Variants in FLNA observed in about 807,000 individuals in gnomAD.
FLNA encodes the protein filamin-A.
FLNA carries 7 observed loss-of-function variants against 157.6 expected under a neutral mutation model. That is an observed-to-expected ratio of 0.04 (90% CI 0.03 to 0.08). The LOEUF (loss-of-function observed/expected upper bound fraction) is 0.08, where lower values mean the gene tolerates loss of function less well. Ranked by LOEUF, FLNA falls within the 10% of genes least tolerant of loss-of-function variation. The probability of loss-of-function intolerance (pLI) is 1.00; values close to 1 mark genes in which losing one functional copy is unlikely to be tolerated. For missense variants in FLNA, 1,750 were observed against 2,398.4 expected, an observed-to-expected ratio of 0.73 and a Z score of 5.65; for synonymous variants, 1,103 against 1,060.8, an observed-to-expected ratio of 1.04 and a Z score of -0.77.
rs1172925963 is a variant in FLNA at position 154,350,175 on chromosome X, T to C, written c.7189A>G (p.Asn2397Asp). The change falls in exon 45 of 48, where the codon AAT becomes GAT. Residue 2397 changes from asparagine (N) to aspartate (D), a missense_variant. By Grantham distance (23) the Asn-to-Asp change is conservative (BLOSUM62 1). This residue lies in a region of FLNA where 970 missense variants were observed against 1,302.6 expected (regional missense o/e 0.74). Transcript: ENST00000369850. Reference protein sequence around the residue: ...KYAVRFIPRENGVYLIDVKFN... With the variant: ...KYAVRFIPREDGVYLIDVKFN... ...TTGACGTCAATCAGGTAAACGCCAT[T>C]CTCCCGAGGGATGAAGCGCACAGCA... The C allele has an allele frequency of 1.7e-6, 2 of 1,211,486 alleles. No individual in the cohort carries two copies. Among genetic ancestry groups the C allele is most frequent in the Non-Finnish European group, 2.2e-6 (2 of 895,371 alleles).
intron 41 of FLNA, 23 bp from the exon 42 acceptor site, chrX:154,352,044 C>T (rs782762460): frequency 1.7e-6 from 2 of 1,211,494 alleles, no homozygotes; most frequent in East Asian, 5.9e-5. Flanking sequence ...AGTTTGTCCT[C>T]ACTGAAGGCT....
At chrX:154,354,574 C>G in intron 32 of FLNA, 42 bp downstream of exon 32, 1 of 1,177,634 alleles carries the variant, frequency 8.5e-7, no homozygotes. Flanking sequence ...CACAGAACAC[C>G]CAGCTGGCTA....
In FLNA at chrX:154,369,701, C is replaced by T. The variant is rs782144564; in HGVS notation, c.373+1172G>A. ...AGCTGGGGTGTGGCCCGCCTCCCCA[C>T]ATCCGGTCGCCCCCCCTACCATCCA... On this transcript the variant is annotated intron_variant, in intron 2 of 47. Coordinates refer to ENST00000369850, the MANE Select transcript of FLNA (RefSeq NM_001110556.2). Among the ~76,000 whole-genome samples the T allele has an allele frequency of 5.3e-5, 6 of 112,173 alleles. No homozygotes were observed. The South Asian group carries it at 1.8e-3, about 35-fold the overall frequency.
At chrX:154,349,914 G>A in intron 45 of FLNA, 47 bp from the exon 46 acceptor site, 1 of 1,188,081 alleles carries the variant, frequency 8.4e-7, no homozygotes, top group South Asian at 1.8e-5. Flanking sequence ...CTGCCTCCCT[G>A]TCCTCGGCCA....
In FLNA at chrX:154,354,918, G is replaced by C; in HGVS notation, c.5124C>G (p.Phe1708Leu). The C allele has an allele frequency of 8.3e-7, 1 of 1,211,984 alleles. No homozygotes were observed. The highest frequency in any genetic ancestry group is 1.1e-6 in the Non-Finnish European group (1 of 895,556). The change falls in exon 31 of 48, where the codon TTC becomes TTG. Residue 1708 changes from phenylalanine (F) to leucine (L), a missense_variant. This residue lies in a region of FLNA where 970 missense variants were observed against 1,302.6 expected (regional missense o/e 0.74). Coordinates refer to ENST00000369850, the MANE Select transcript of FLNA (RefSeq NM_001110556.2). ...VDVVENEDGT[F>L]DIFYTAPQPG... ...GCTGGGGGGCCGTGTAGAAGATGTC[G>C]AAAGTGCCGTCCTCATTCTCCACCA...
rs1281469151 is a variant in FLNA at position 154,350,042 on chromosome X, C to T, written c.7322G>A (p.Gly2441Asp). ...LVSAYGAGLEGGVTGNPAEFV... is the reference protein window; with the variant it reads ...LVSAYGAGLEDGVTGNPAEFV... The stretch of plus-strand genomic sequence containing the variant: ...ACCGACAGACTTACCTGTGACACCG[C>T]CTTCCAGACCTGCTCCGTAAGCAGA... Residue 2441 changes from glycine (G) to aspartate (D), a missense_variant, in exon 45 of 48, where the codon GGC (glycine) becomes GAC (aspartate). By Grantham distance (94) the Gly-to-Asp change is moderately conservative. Around this residue, in one of 5 missense-constraint regions of FLNA, gnomAD observed 970 missense variants for 1,302.6 expected, o/e 0.74. Transcript: ENST00000369850. 2.5e-6 allele frequency: 3 copies of T among 1,210,211 alleles called. No homozygotes were observed. Among genetic ancestry groups the T allele is most frequent in the African/African-American group, 3.5e-5 (2 of 57,376 alleles).
intron 31 of FLNA, 38 bp from the exon 32 acceptor site, chrX:154,354,749 G>A (rs1226890464): frequency 3.0e-5 from 36 of 1,206,448 alleles, no homozygotes; most frequent in Non-Finnish European, 3.9e-5. Flanking sequence ...AGAGTCTGTT[G>A]TCACAGAGGG....
chrX:154,351,240 G>A (rs1035635036), intron 43 of FLNA, 199 bp from the exon 44 acceptor site: 37 of 474,979 alleles, frequency 7.8e-5, no homozygotes, highest in Admixed American at 1.2e-4. Flanking sequence ...ACACTCTGCC[G>A]TCGCACACAC....
chrX:154,349,161 C>G (rs1479048018), intron 47 of FLNA, 125 bp from the exon 48 acceptor site: 1 of 811,605 alleles, frequency 1.2e-6, no homozygotes, highest in Non-Finnish European at 1.8e-6. Flanking sequence ...GAGCTGCCAG[C>G]ACCTCCCCAA....
At position 154,349,347 on chromosome X, in the gene FLNA, G is replaced by A; in HGVS notation, c.7756+15C>T. 1 of 1,202,706 alleles carries A rather than the reference G, an allele frequency of 8.3e-7. No individual in the cohort carries two copies. The highest frequency in any genetic ancestry group is 1.1e-6 in the Non-Finnish European group (1 of 887,387). ...ATTTTGGTGGGAAGGTGGGCCGGGG[G>A]CCCAGGTTGCCCACCTGCTTTGCTG... is the stretch of plus-strand genomic sequence containing the variant. On this transcript the variant is annotated intron_variant, in intron 47 of 47. Transcript: ENST00000369850.
At chrX:154,367,807 C>G (rs2067774220) in intron 3 of FLNA, 35 bp downstream of exon 3, 1 of 1,210,637 alleles carries the variant, frequency 8.3e-7, no homozygotes, top group Non-Finnish European at 1.1e-6. Flanking sequence ...ATGGGTGACC[C>G]CAGCCCAGTC....
At chrX:154,366,874 C>A in intron 5 of FLNA, 24 bp from the exon 6 acceptor site, 1 of 1,138,433 alleles carries the variant, frequency 8.8e-7, no homozygotes, top group Non-Finnish European at 1.2e-6. Context: ...GCGAGCCAAC[C>A]ACGGGCCAGC....
At chrX:154,350,406 G>T in intron 44 of FLNA, 199 bp from the exon 45 acceptor site, 1 of 445,660 alleles carries the variant, frequency 2.2e-6, no homozygotes, top group Non-Finnish European at 3.9e-6. Flanking sequence ...CCACCGTCAG[G>T]GTGCATTGGG....
chrX:154,359,264 C>G lies in FLNA; in HGVS notation c.4285G>C (p.Gly1429Arg), dbSNP rs781830074. The part of the protein sequence containing the change: ...AGTYSLNVTY[G>R]GHQVPGSPFK... Reference sequence around the variant, plus strand: ...TCCTCACCTGGCACTTGATGGCCACCATAGGTGACGTTGAGGCTGTAGGTG... The same window carrying G: ...TCCTCACCTGGCACTTGATGGCCACGATAGGTGACGTTGAGGCTGTAGGTG... Residue 1429 changes from glycine (G) to arginine (R), a missense_variant, in exon 25 of 48, where the codon GGT (glycine) becomes CGT (arginine). By Grantham distance (125) the Gly-to-Arg change is moderately radical. Coordinates refer to ENST00000369850, the MANE Select transcript of FLNA (RefSeq NM_001110556.2). The G allele has an allele frequency of 1.5e-5, 18 of 1,211,406 alleles. No homozygotes were observed. Among genetic ancestry groups the G allele is most frequent in the Non-Finnish European group, 1.7e-5 (15 of 895,541 alleles).
chrX:154,368,227 G>T, intron 2 of FLNA, 137 bp from the exon 3 acceptor site: 1 of 902,653 alleles, frequency 1.1e-6, no homozygotes, highest in Non-Finnish European at 1.6e-6. Flanking sequence ...GCCAGTGGTA[G>T]GATGTGGATG....
rs782670288 is a variant in FLNA, at chrX:154,367,745, C to T, written c.623-7G>A. On this transcript the variant is annotated splice_polypyrimidine_tract_variant and splice_region_variant and intron_variant, in intron 3 of 47. Transcript: ENST00000369850. The stretch of plus-strand genomic sequence containing the variant: ...TCCCAGTCAGGACACAGGCCTGTGG[C>T]GCAAGGGAGGCTGTGAGTCTGGGGG... The T allele has an allele frequency of 1.7e-5, 20 of 1,210,807 alleles. No individual in the cohort carries two copies. Among genetic ancestry groups the T allele is most frequent in the Admixed American group, 8.7e-5 (4 of 46,112 alleles).
Position 154,353,215 on chromosome X carries a change from G to A in FLNA, c.6023-11C>T, listed in dbSNP as rs2067635445. On this transcript the variant is annotated splice_polypyrimidine_tract_variant and intron_variant, in intron 37 of 47. Coordinates refer to ENST00000369850, the MANE Select transcript of FLNA (RefSeq NM_001110556.2). ...GCACGAATGAAATCCCTGGACACAG[G>A]GCATGGCTGTCAGTCAGGGAGGGCA... is the stretch of plus-strand genomic sequence containing the variant. The A allele has an allele frequency of 8.3e-7, 1 of 1,211,164 alleles. No homozygotes were observed. Among genetic ancestry groups the A allele is most frequent in the Non-Finnish European group, 1.1e-6 (1 of 894,988 alleles).
At position 154,371,174 on chromosome X, in the gene FLNA, C is replaced by T. The variant is rs1603363947; in HGVS notation, c.72G>A (p.Arg24=). 1 of 1,196,015 alleles carries T rather than the reference C, an allele frequency of 8.4e-7. No individual in the cohort carries two copies. The highest frequency in any genetic ancestry group is 1.1e-6 in the Non-Finnish European group (1 of 888,298). ...TCTCGGTGGCCGGCATCTCGGCGTCCCGCGTGTCGACGCCGCCGCCCGGAG... is the reference window on the plus strand; with the variant it reads ...TCTCGGTGGCCGGCATCTCGGCGTCTCGCGTGTCGACGCCGCCGCCCGGAG... ...GAAPGGGVDT[R]DAEMPATEKD... is the part of the protein sequence containing the mutation. The change falls in exon 2 of 48, where the codon CGG becomes CGA. Residue 24 remains arginine, a synonymous_variant. Transcript: ENST00000369850.
intron 1 of FLNA, among the ~76,000 whole-genome samples, chrX:154,371,762 C>T (rs782721378): frequency 1.8e-5 from 2 of 113,070 alleles, no homozygotes; most frequent in South Asian, 3.5e-4. Context: ...GGCTCTGCCC[C>T]GTCCCTGCAC....
Sources: gnomAD v4.1 joint callset for allele counts (sites outside exome capture counted in the v4.1 genomes callset) on GRCh38, gnomAD v4.1.1 for gene constraint, gnomAD v4.1.1 regional missense constraint, MANE v1.5 for transcripts, NCBI Gene and HGNC (gene_info 2026-07-23, HGNC 2026-07-21) for gene names.